The following ADCY2 variants were observed in gnomAD, a reference collection of about 807,000 sequenced individuals.
ADCY2 encodes the protein adenylate cyclase type 2.
In ADCY2, 31 loss-of-function variants were observed where a neutral mutation model predicts 125.2. The ratio of observed to expected loss-of-function variants is 0.25; its 90% confidence interval spans 0.19 to 0.33. The LOEUF (loss-of-function observed/expected upper bound fraction) is 0.33, where lower values mean the gene tolerates loss of function less well. Ranked by LOEUF, ADCY2 falls within the 10% of genes least tolerant of loss-of-function variation. The pLI is 1.00. For missense variants in ADCY2, 904 were observed against 1,418.2 expected, an observed-to-expected ratio of 0.64 and a Z score of 5.82; for synonymous variants, 512 against 548.4, an observed-to-expected ratio of 0.93 and a Z score of 0.93.
At chr5:7,430,768 A>G (rs1740568734) in intron 2 of ADCY2, among the ~76,000 whole-genome samples, 1 of 152,014 alleles carries the variant, frequency 6.6e-6, no homozygotes, top group Non-Finnish European at 1.5e-5. Flanking sequence ...TTAGAAATGG[A>G]AAAAAACCAT....
At chr5:7,557,508 TA>T (rs1735564956) in intron 3 of ADCY2, among the ~76,000 whole-genome samples, 1 of 152,134 alleles carries the variant, frequency 6.6e-6, no homozygotes, top group Non-Finnish European at 1.5e-5. Context: ...TTATTTATCC[TA>T]ATCCTCTCCC....
At chr5:7,429,830 T>G (rs1043638144) in intron 2 of ADCY2, among the ~76,000 whole-genome samples, 7 of 152,292 alleles carry the variant, frequency 4.6e-5, no homozygotes, top group African/African-American at 1.7e-4. Flanking sequence ...AATCAGTAAC[T>G]TGAACTTTCA....
intron 1 of ADCY2, among the ~76,000 whole-genome samples, chr5:7,409,726 A>G (rs2126316883): frequency 6.6e-6 from 1 of 152,252 alleles, no homozygotes; most frequent in Non-Finnish European, 1.5e-5. Flanking sequence ...TCTTGTTTGC[A>G]TTTTTATTTT....
chr5:7,777,400 A>G (rs1270515161), intron 18 of ADCY2, among the ~76,000 whole-genome samples: 3 of 152,224 alleles, frequency 2.0e-5, no homozygotes, highest in Non-Finnish European at 2.9e-5. Flanking sequence ...CATCTGTTGA[A>G]TGAATGAACA....
At chr5:7,674,088 G>A (rs1243223472) in intron 4 of ADCY2, among the ~76,000 whole-genome samples, 8 of 145,390 alleles carry the variant, frequency 5.5e-5, no homozygotes, top group South Asian at 4.5e-4. Flanking sequence ...AGCGTGTGTC[G>A]TCAGCTGTCC....
intron 2 of ADCY2, among the ~76,000 whole-genome samples, chr5:7,429,655 A>G (rs970107625): frequency 6.6e-6 from 1 of 152,238 alleles, no homozygotes; most frequent in Non-Finnish European, 1.5e-5. Flanking sequence ...ACACAGTTCT[A>G]AATAACCCAT....
intron 3 of ADCY2, among the ~76,000 whole-genome samples, chr5:7,611,840 C>T (rs756759292): frequency 1.1e-4 from 16 of 152,204 alleles, no homozygotes; most frequent in East Asian, 1.9e-4. Flanking sequence ...TAAATCACAA[C>T]GGTTTTGTTA....
At chr5:7,789,881 G>A in intron 20 of ADCY2, 81 bp downstream of exon 20, 2 of 1,161,678 alleles carry the variant, frequency 1.7e-6, no homozygotes, top group East Asian at 2.6e-5. Flanking sequence ...CTTCTTCAGT[G>A]ACATAAAGGC....
intron 4 of ADCY2, among the ~76,000 whole-genome samples, chr5:7,686,400 A>G (rs1315183245): frequency 6.6e-6 from 1 of 152,234 alleles, no homozygotes; most frequent in Non-Finnish European, 1.5e-5. Context: ...AAGTTCTAAG[A>G]AAAATGTATT....
chr5:7,538,347 T>C (rs1266862005), intron 3 of ADCY2, among the ~76,000 whole-genome samples: 1 of 152,196 alleles, frequency 6.6e-6, no homozygotes, highest in Non-Finnish European at 1.5e-5. Context: ...TCTGTTTACT[T>C]ATCGGTAAAA....
intron 3 of ADCY2, among the ~76,000 whole-genome samples, chr5:7,621,282 C>A (rs561136035): frequency 1.3e-5 from 2 of 152,298 alleles, no homozygotes; most frequent in East Asian, 3.9e-4. Context: ...CCAGTAAAGA[C>A]TCCACAGGCG....
intron 3 of ADCY2, among the ~76,000 whole-genome samples, chr5:7,590,308 A>G (rs1736814157): frequency 6.6e-6 from 1 of 152,206 alleles, no homozygotes; most frequent in African/African-American, 2.4e-5. Flanking sequence ...ATCTAATTTC[A>G]TTTACTCAGA....
At chr5:7,609,867 G>A (rs1455776690) in intron 3 of ADCY2, among the ~76,000 whole-genome samples, 3 of 152,136 alleles carry the variant, frequency 2.0e-5, no homozygotes, top group Non-Finnish European at 4.4e-5. Flanking sequence ...ATACAAGCCA[G>A]GAATGAGCAG....
chr5:7,414,179 C>A (rs1739843772), intron 1 of ADCY2, among the ~76,000 whole-genome samples: 1 of 152,128 alleles, frequency 6.6e-6, no homozygotes, highest in South Asian at 2.1e-4. Flanking sequence ...ATTTAAAATC[C>A]ATTTGCAAGA....
intron 3 of ADCY2, among the ~76,000 whole-genome samples, chr5:7,542,076 A>G (rs1735015113): frequency 1.3e-5 from 2 of 152,116 alleles, no homozygotes; most frequent in South Asian, 4.1e-4. Context: ...CGCCCCTTCT[A>G]CTTCAGAGGG....
At chr5:7,433,757 G>A (rs1386180150) in intron 2 of ADCY2, among the ~76,000 whole-genome samples, 4 of 152,162 alleles carry the variant, frequency 2.6e-5, no homozygotes, top group African/African-American at 4.8e-5. Context: ...AGAATGGAGA[G>A]CTCAGAAAGA....
chr5:7,417,681 C>A (rs1302690082), intron 2 of ADCY2, among the ~76,000 whole-genome samples: 1 of 152,178 alleles, frequency 6.6e-6, no homozygotes, highest in African/African-American at 2.4e-5. Flanking sequence ...CTTTCCTGAC[C>A]CCTATCTGTC....
At chr5:7,435,599 A>T (rs570311398) in intron 2 of ADCY2, among the ~76,000 whole-genome samples, 1 of 152,250 alleles carries the variant, frequency 6.6e-6, no homozygotes, top group Non-Finnish European at 1.5e-5. Flanking sequence ...ACGATTTCTT[A>T]TAGTTCCAAT....
intron 3 of ADCY2, among the ~76,000 whole-genome samples, chr5:7,581,663 CA>C (rs66835903): frequency 6.7e-6 from 1 of 149,998 alleles, no homozygotes; most frequent in Admixed American, 6.6e-5. Flanking sequence ...ACTAAAAATA[CA>C]AAAAAAAATC....
Sources: allele counts gnomAD v4.1 joint callset (sites outside exome capture counted in the v4.1 genomes callset), GRCh38; gene constraint gnomAD v4.1.1; transcripts MANE v1.5; gene names NCBI Gene and HGNC (gene_info 2026-07-23, HGNC 2026-07-21).